RFX6: variants seen among roughly 807,000 people sequenced by gnomAD.
The protein encoded by RFX6 is regulatory factor X6.
Under a neutral mutation model 110.8 loss-of-function variants are expected in RFX6, and 50 were observed. That is an observed-to-expected ratio of 0.45 (90% confidence interval 0.36 to 0.57). The LOEUF (loss-of-function observed/expected upper bound fraction) is 0.57. RFX6 is among the 20% of genes least tolerant of loss of function. RFX6 has a pLI of 0.00. For synonymous variants in RFX6, 383 were observed against 411.2 expected (o/e 0.93, Z 0.83); for missense variants, 990 against 1,127.0 (o/e 0.88, Z 1.74).
chr6:116,906,832 T>G (rs1775212598), intron 6 of RFX6, among the ~76,000 whole-genome samples: 1 of 149,872 alleles, frequency 6.7e-6, no homozygotes, highest in African/African-American at 2.4e-5. Flanking sequence ...ACTTCTTCCT[T>G]TTCAATTTGG....
chr6:116,931,832 CT>C lies in RFX6; in HGVS notation c.*331del. On this transcript the variant is annotated 3_prime_UTR_variant, in exon 19 of 19. Coordinates refer to ENST00000332958, the MANE Select transcript of RFX6 (RefSeq NM_173560.4). The stretch of plus-strand genomic sequence containing the variant: ...TCTAATTTATTAAACATCTGTGTGC[CT>C]TTTTATCTTTGGTTTCTTTTAAAAA... 1 of 231,554 alleles carries C rather than the reference CT, an allele frequency of 4.3e-6. No individual in the cohort carries two copies. The highest frequency in any genetic ancestry group is 8.5e-6 in the Non-Finnish European group (1 of 118,126). 14.3% of individuals were successfully genotyped at this position (231,554 alleles called of 1,614,324 possible). A position where few individuals can be genotyped will look rare whatever the true frequency, so the allele number is the denominator to read the frequency against.
At chr6:116,931,186 C>A in intron 18 of RFX6, 145 bp from the exon 19 acceptor site, 1 of 696,420 alleles carries the variant, frequency 1.4e-6, no homozygotes, top group Non-Finnish European at 2.6e-6. Context: ...AAAATGATTG[C>A]TCTGGTAAAC....
intron 6 of RFX6, among the ~76,000 whole-genome samples, chr6:116,897,169 T>C (rs1459411216): frequency 6.6e-6 from 1 of 151,618 alleles, no homozygotes; most frequent in Non-Finnish European, 1.5e-5. Flanking sequence ...AGGAGTGGAG[T>C]AGGGGAAGAG....
intron 7 of RFX6, among the ~76,000 whole-genome samples, chr6:116,911,338 C>G (rs1323137475): frequency 6.6e-6 from 1 of 152,152 alleles, no homozygotes; most frequent in Non-Finnish European, 1.5e-5. Flanking sequence ...GTGGCTGTCA[C>G]ATACACTTTC....
chr6:116,894,034 A>G lies in RFX6; in HGVS notation c.614A>G (p.His205Arg), dbSNP rs771491490. 1 of 1,601,638 alleles carries G rather than the reference A, an allele frequency of 6.2e-7. No individual in the cohort carries two copies. Among genetic ancestry groups the G allele is most frequent in the Non-Finnish European group, 8.6e-7 (1 of 1,168,902 alleles). ...IGIKESSAYY[H>R]SVYSGKGLTR... The stretch of plus-strand genomic sequence containing the variant: ...ATCAAAGAGAGCAGTGCATATTACC[A>G]CTCCGTTTATTCTGGAAAGGGCTTG... Residue 205 changes from histidine to arginine, a missense_variant, in exon 5 of 19, where the codon CAC (histidine) becomes CGC (arginine). Physicochemically the swap from His to Arg is conservative, Grantham distance 29. Transcript: ENST00000332958.
intron 4 of RFX6, among the ~76,000 whole-genome samples, chr6:116,886,760 A>T (rs777495308): frequency 1.8e-4 from 28 of 151,990 alleles, no homozygotes; most frequent in Non-Finnish European, 3.5e-4. Flanking sequence ...TTTAAAACAG[A>T]TATATTAAAA....
intron 4 of RFX6, among the ~76,000 whole-genome samples, chr6:116,890,938 A>G (rs1186286045): frequency 2.0e-5 from 3 of 152,330 alleles, no homozygotes; most frequent in Non-Finnish European, 2.9e-5. Flanking sequence ...AAACAAATAA[A>G]TTGCATAATA....
At chr6:116,927,743 C>CTTTTTTTTTTTTTTTT (rs60638457) in intron 17 of RFX6, among the ~76,000 whole-genome samples, 4 of 119,560 alleles carry the variant, frequency 3.3e-5, no homozygotes, top group South Asian at 2.9e-4. Context: ...GCCCTTCTTC[C>CTTTTTTTTTTTTTTTT]TTTTTTTTTT....
chr6:116,886,193 T>A (rs556607954), intron 4 of RFX6, among the ~76,000 whole-genome samples: 1 of 152,304 alleles, frequency 6.6e-6, no homozygotes, highest in African/African-American at 2.4e-5. Context: ...AAATGTGATA[T>A]TTATTTTAAC....
In RFX6 at chr6:116,918,177, C is replaced by A. The variant is rs538580820; in HGVS notation, c.1022+91C>A. ...AGAAAACATTAGGTAGTAATTTATT[C>A]ATTTATCAAGAAGACTATTTTCTAC... On this transcript the variant is annotated intron_variant, in intron 10 of 18. Transcript: ENST00000332958. 3.9e-5 allele frequency: 37 copies of A among 946,272 alleles called. No individual in the cohort carries two copies. The African/African-American group carries it at 5.2e-4, about 13-fold the overall frequency. The allele number at this position is 946,272 out of a possible 1,614,324, so 58.6% of individuals were successfully genotyped here.
intron 14 of RFX6, among the ~76,000 whole-genome samples, chr6:116,924,314 C>T (rs1437726196): frequency 6.6e-6 from 1 of 152,204 alleles, no homozygotes; most frequent in Non-Finnish European, 1.5e-5. Flanking sequence ...GAGTAGAGCT[C>T]ATTCTCCCCA....
intron 10 of RFX6, 149 bp downstream of exon 10, chr6:116,918,235 G>A (rs1775513309): frequency 9.4e-6 from 6 of 641,410 alleles, no homozygotes; most frequent in Non-Finnish European, 1.7e-5. Flanking sequence ...GAAGAGATGT[G>A]TCTTATAGCT....
In RFX6 at chr6:116,896,897, T is replaced by C. The variant is rs981454445; in HGVS notation, c.672+1690T>C. 4.3e-4 allele frequency among the ~76,000 whole-genome samples: 65 copies of C among 152,174 alleles called. 3 individuals are homozygous for C. Among genetic ancestry groups the C allele is most frequent in the Non-Finnish European group, 5.9e-5 (4 of 68,038 alleles). ...GCTTTTTTAAGAGGTCAGAGAAAGA[T>C]TCTATTTTTTTAAAGCCATGGTCAA... is the stretch of plus-strand genomic sequence containing the variant. On this transcript the variant is annotated intron_variant, in intron 6 of 18. Transcript: ENST00000332958.
intron 16 of RFX6, among the ~76,000 whole-genome samples, chr6:116,926,298 A>G (rs1039492623): frequency 3.3e-5 from 5 of 152,182 alleles, no homozygotes; most frequent in African/African-American, 1.2e-4. Context: ...AAAAAAGCAA[A>G]CAAACAAACA....
intron 2 of RFX6, 105 bp downstream of exon 2, chr6:116,878,057 G>GA: frequency 8.0e-7 from 1 of 1,250,716 alleles, no homozygotes; most frequent in Non-Finnish European, 1.1e-6. Flanking sequence ...CAAACTTTTT[G>GA]GGAAAGTTTA....
At chr6:116,929,133 CAGTT>C (rs1775826232) in intron 18 of RFX6, among the ~76,000 whole-genome samples, 162 bp downstream of exon 18, 1 of 152,142 alleles carries the variant, frequency 6.6e-6, no homozygotes, top group East Asian at 1.9e-4. Context: ...TCTGACTACA[CAGTT>C]AGTAACAGTT....
Position 116,877,498 on chromosome 6 carries a change from G to C in RFX6, c.223G>C (p.Glu75Gln), listed in dbSNP as rs201996097. 2,024 of 1,553,608 alleles carry C rather than the reference G, an allele frequency of 1.3e-3. 3 individuals carry two copies. Among genetic ancestry groups the C allele is most frequent in the South Asian group, 1.7e-3 (143 of 84,136 alleles). ...GGAGCTGCCGGGGGCAGTGAAATCA[G>C]GTGAGTGCTCTGCCGCATCCGGAGC... The part of the protein sequence containing the change: ...DPELPGAVKS[E>Q]MHLNNGNFSS... The change falls in exon 1 of 19, where the codon GAA becomes CAA. Residue 75 changes from glutamate (E) to glutamine (Q), a missense_variant and splice_region_variant. Coordinates refer to ENST00000332958, the MANE Select transcript of RFX6 (RefSeq NM_173560.4).
intron 4 of RFX6, among the ~76,000 whole-genome samples, chr6:116,885,210 C>A (rs1383230747): frequency 1.3e-5 from 2 of 152,132 alleles, no homozygotes; most frequent in Admixed American, 6.5e-5. Flanking sequence ...CACCAGCTTT[C>A]CAGCTAGTGA....
chr6:116,887,209 A>G (rs1774717389), intron 4 of RFX6, among the ~76,000 whole-genome samples: 1 of 152,220 alleles, frequency 6.6e-6, no homozygotes, highest in South Asian at 2.1e-4. Context: ...GGCAAGTTCA[A>G]CATTCCACAT....
Sources: gnomAD v4.1 joint callset for allele counts (sites outside exome capture counted in the v4.1 genomes callset) on GRCh38, gnomAD v4.1.1 for gene constraint, MANE v1.5 for transcripts, NCBI Gene and HGNC (gene_info 2026-07-23, HGNC 2026-07-21) for gene names.